The following STBD1 variants were observed in gnomAD, a reference collection of about 807,000 sequenced individuals.
STBD1 encodes starch-binding domain-containing protein 1.
In STBD1, 13 loss-of-function variants were observed where a neutral mutation model predicts 10.5. That is an observed-to-expected ratio of 1.24 (90% CI 0.81 to 1.97). STBD1 has a LOEUF of 1.97. Ranked by LOEUF, STBD1 falls within the 30% of genes most tolerant of loss-of-function variation. The pLI, the probability that STBD1 is intolerant of heterozygous loss-of-function variation, is 0.00. For synonymous variants in STBD1, 146 were observed against 160.2 expected (o/e 0.91, Z 0.67); for missense variants, 427 against 435.6 (o/e 0.98, Z 0.17).
In STBD1 at chr4:76,306,999, C is replaced by A; in HGVS notation, c.220+10C>A. 6.4e-7 allele frequency: 1 copy of A among 1,572,478 alleles called. No individual in the cohort carries two copies. The highest frequency in any genetic ancestry group is 8.6e-7 in the Non-Finnish European group (1 of 1,159,586). ...CTGGTCACCAAACCAGGTATTCTTC[C>A]CCCCGTGACTCCAGGGCACATCTGC... On this transcript the variant is annotated intron_variant, in intron 1 of 1. Coordinates refer to ENST00000237642, the MANE Select transcript of STBD1 (RefSeq NM_003943.5).
In STBD1 at chr4:76,309,523, C is replaced by T. The variant is rs780999837; in HGVS notation, c.600C>T (p.His200=). The part of the protein sequence containing the change: ...SDLNSQDRVD[H]EEWEMVPRHS... ...TGAACAGTCAGGACCGGGTTGACCA[C>T]GAGGAGTGGGAAATGGTGCCTAGGC... The change falls in exon 2 of 2, where the codon CAC becomes CAT. Residue 200 remains histidine (H), a synonymous_variant. Coordinates refer to ENST00000237642, the MANE Select transcript of STBD1 (RefSeq NM_003943.5). 1.3e-5 allele frequency: 21 copies of T among 1,614,172 alleles called. No individual in the cohort carries two copies. In the South Asian group the frequency reaches 1.6e-4, roughly 13 times the overall value.
Position 76,306,877 on chromosome 4 carries a change from G to T in STBD1, c.108G>T (p.Ala36=). The T allele has an allele frequency of 6.2e-7, 1 of 1,611,522 alleles. No individual in the cohort carries two copies. Among genetic ancestry groups the T allele is most frequent in the Non-Finnish European group, 8.5e-7 (1 of 1,179,074 alleles). The change falls in exon 1 of 2, where the codon GCG becomes GCT. Residue 36 remains alanine (A), a synonymous_variant. Transcript: ENST00000237642. ...GPGDTGKDGD[A]EQEKDAPLGG... ...GCGACACCGGGAAGGACGGGGATGCGGAGCAGGAGAAAGACGCCCCTCTTG... is the reference window on the plus strand; with the variant it reads ...GCGACACCGGGAAGGACGGGGATGCTGAGCAGGAGAAAGACGCCCCTCTTG...
In STBD1 at chr4:76,310,185, T is replaced by C; in HGVS notation, c.*185T>C. On this transcript the variant is annotated 3_prime_UTR_variant, in exon 2 of 2. Transcript: ENST00000237642. ...TCTAATGTGCAGAAATATATATGTGTGTATGTGTGTATATATATGCACACA... is the reference window on the plus strand; with the variant it reads ...TCTAATGTGCAGAAATATATATGTGCGTATGTGTGTATATATATGCACACA... 1.5e-6 allele frequency: 1 copy of C among 670,430 alleles called. No homozygotes were observed. Among genetic ancestry groups the C allele is most frequent in the Admixed American group, 2.9e-5 (1 of 33,932 alleles). The allele number at this position is 670,430 out of a possible 1,614,324, so 41.5% of individuals were successfully genotyped here. A position where few individuals can be genotyped will look rare whatever the true frequency, so the allele number is the denominator to read the frequency against.
Position 76,309,391 on chromosome 4 carries a change from A to C in STBD1, c.468A>C (p.Gln156His), listed in dbSNP as rs141201583. Residue 156 changes from glutamine to histidine, a missense_variant, in exon 2 of 2, where the codon CAA becomes CAC. Gln to His is a conservative substitution (Grantham distance 24). Transcript: ENST00000237642. ...LESPMGEWGF[Q>H]KGQEISAKAA... ...CTCCTATGGGAGAATGGGGATTCCA[A>C]AAAGGACAAGAGATATCTGCTAAAG... 4 of 1,613,626 alleles carry C rather than the reference A, an allele frequency of 2.5e-6. No homozygotes were observed. The highest frequency in any genetic ancestry group is 3.4e-6 in the Non-Finnish European group (4 of 1,179,854).
rs747467515 is a variant in STBD1, at chr4:76,311,074, ATTAAC to A, written c.*1079_*1083del. The A allele has an allele frequency of 9.2e-5, 14 of 152,252 alleles. No homozygotes were observed. Among genetic ancestry groups the A allele is most frequent in the Non-Finnish European group, 1.6e-4 (11 of 68,044 alleles). The allele number at this position is 152,252 out of a possible 1,614,324, so 9.4% of individuals were successfully genotyped here. A position where few individuals can be genotyped will look rare whatever the true frequency, so the allele number is the denominator to read the frequency against. On this transcript the variant is annotated 3_prime_UTR_variant, in exon 2 of 2. Coordinates refer to ENST00000237642, the MANE Select transcript of STBD1 (RefSeq NM_003943.5). ...TCTTTGCTCTGAGAATACAGCAAAT[ATTAAC>A]TTAAATTATTATAACTGAACAAATA...
At position 76,306,809 on chromosome 4, in the gene STBD1, C is replaced by CT. The variant is rs1377527164; in HGVS notation, c.41dup (p.Ala15GlyfsTer72). ...GTCCGCCCTGCTGGTTGGAGGGGGT[C>CT]TGGCCGGAGCACTTTTCGTTTGGCT... On this transcript the variant is annotated frameshift_variant, in exon 1 of 2. Transcript: ENST00000237642. LOFTEE classifies it high-confidence loss of function. The CT allele has an allele frequency of 1.2e-6, 2 of 1,612,482 alleles. No homozygotes were observed. Among genetic ancestry groups the CT allele is most frequent in the Non-Finnish European group, 8.5e-7 (1 of 1,179,612 alleles).
chr4:76,308,328 C>G (rs1170982220), intron 1 of STBD1, among the ~76,000 whole-genome samples: 2 of 151,400 alleles, frequency 1.3e-5, no homozygotes, highest in Non-Finnish European at 2.9e-5. Flanking sequence ...CCCATACCAC[C>G]ACCACCCCCA....
chr4:76,310,338 G>A lies in STBD1; in HGVS notation c.*338G>A, dbSNP rs146780391. On this transcript the variant is annotated 3_prime_UTR_variant, in exon 2 of 2. Transcript: ENST00000237642. ...GGAGTGACTTGGCTAAGCTTCAGGT[G>A]TAAACTGTGGTCACGGAGCAAAAAC... 586 of 230,136 alleles carry A rather than the reference G, an allele frequency of 2.5e-3. No individual in the cohort carries two copies. Among genetic ancestry groups the A allele is most frequent in the African/African-American group, 0.012 (539 of 44,404 alleles). 14.3% of individuals were successfully genotyped at this position (230,136 alleles called of 1,614,324 possible). A position where few individuals can be genotyped will look rare whatever the true frequency, so the allele number is the denominator to read the frequency against.
chr4:76,307,680 C>T (rs111287680), intron 1 of STBD1, among the ~76,000 whole-genome samples: 1 of 152,110 alleles, frequency 6.6e-6, no homozygotes, highest in African/African-American at 2.4e-5. Context: ...GGGGACCCAA[C>T]CCTGATGAGT....
rs115736232 is a variant in STBD1, at chr4:76,309,688, A to G, written c.765A>G (p.Ala255=). ...TGCATGGGAAAATGGAAAGGGTAGCAGTGATGCCTGCAGGGTCTCAGCAAG... is the reference window on the plus strand; with the variant it reads ...TGCATGGGAAAATGGAAAGGGTAGCGGTGATGCCTGCAGGGTCTCAGCAAG... ...QQVHGKMERV[A]VMPAGSQQVS... is the part of the protein sequence containing the mutation. Residue 255 remains alanine (A), a synonymous_variant, in exon 2 of 2, where the codon GCA becomes GCG. Coordinates refer to ENST00000237642, the MANE Select transcript of STBD1 (RefSeq NM_003943.5). The G allele has an allele frequency of 1.9e-6, 3 of 1,614,244 alleles. No individual in the cohort carries two copies. In the East Asian group the frequency reaches 6.7e-5, roughly 36 times the overall value.
intron 1 of STBD1, among the ~76,000 whole-genome samples, chr4:76,308,168 C>T (rs1036865529): frequency 6.7e-6 from 1 of 149,290 alleles, no homozygotes; most frequent in African/African-American, 2.5e-5. Context: ...ACTTGGGAGG[C>T]TAAAGCAGGA....
chr4:76,307,562 G>A (rs2110042687), intron 1 of STBD1, among the ~76,000 whole-genome samples: 1 of 152,300 alleles, frequency 6.6e-6, no homozygotes, highest in Non-Finnish European at 1.5e-5. Context: ...TGTGGCTGAG[G>A]CCCTGGGGAT....
In STBD1 at chr4:76,309,268, T is replaced by C; in HGVS notation, c.345T>C (p.Val115=). The change falls in exon 2 of 2, where the codon GTT becomes GTC. Residue 115 remains valine, a synonymous_variant. Coordinates refer to ENST00000237642, the MANE Select transcript of STBD1 (RefSeq NM_003943.5). Reference sequence around the variant, plus strand: ...TCTGTGACAATTCAAGAGAACATGTTCCTTCTGGACAGTTTCCAGACACAG... The same window carrying C: ...TCTGTGACAATTCAAGAGAACATGTCCCTTCTGGACAGTTTCCAGACACAG... The part of the protein sequence containing the change: ...REVCDNSREH[V]PSGQFPDTEA... 6.2e-7 allele frequency: 1 copy of C among 1,614,188 alleles called. No homozygotes were observed. Among genetic ancestry groups the C allele is most frequent in the Non-Finnish European group, 8.5e-7 (1 of 1,180,028 alleles).
rs1302853975 is a variant in STBD1, at chr4:76,310,207, C to A, written c.*207C>A. ...GTGTGTATGTGTGTATATATATGCA[C>A]ACACACACAGATAATGCTTCCAGTG... On this transcript the variant is annotated 3_prime_UTR_variant, in exon 2 of 2. Transcript: ENST00000237642. The A allele has an allele frequency of 1.7e-5, 10 of 591,118 alleles. No individual in the cohort carries two copies. The highest frequency in any genetic ancestry group is 1.5e-5 in the Non-Finnish European group (5 of 342,692). The allele number at this position is 591,118 out of a possible 1,614,324, so 36.6% of individuals were successfully genotyped here. A position where few individuals can be genotyped will look rare whatever the true frequency, so the allele number is the denominator to read the frequency against.
intron 1 of STBD1, among the ~76,000 whole-genome samples, chr4:76,308,852 A>G (rs896546632): frequency 2.6e-5 from 4 of 152,216 alleles, no homozygotes; most frequent in African/African-American, 9.6e-5. Context: ...ACTGGGGACC[A>G]TGGGGGGGTT....
At position 76,310,458 on chromosome 4, in the gene STBD1, A is replaced by G. The variant is rs17001772; in HGVS notation, c.*458A>G. On this transcript the variant is annotated 3_prime_UTR_variant, in exon 2 of 2. Coordinates refer to ENST00000237642, the MANE Select transcript of STBD1 (RefSeq NM_003943.5). ...CTCACTCAAACATAGCTGACTTCCT[A>G]TTGGTACAGCTTGAAAAGCACTTTT... 4,057 of 160,840 alleles carry G rather than the reference A, an allele frequency of 0.025. 178 individuals carry two copies. The highest frequency in any genetic ancestry group is 0.092 in the African/African-American group (3,833 of 41,680). The allele number at this position is 160,840 out of a possible 1,614,324, so 10.0% of individuals were successfully genotyped here.
rs576092074 is a variant in STBD1 at position 76,310,592 on chromosome 4, T to C, written c.*592T>C. 2 of 153,450 alleles carry C rather than the reference T, an allele frequency of 1.3e-5. No individual in the cohort carries two copies. The highest frequency in any genetic ancestry group is 1.9e-4 in the East Asian group (1 of 5,192). The allele number at this position is 153,450 out of a possible 1,614,324, so 9.5% of individuals were successfully genotyped here. ...AGGATACAAGATAATGTTCTAAGAC[T>C]GCCTAATGCTTTTTGTTTGATTTTC... On this transcript the variant is annotated 3_prime_UTR_variant, in exon 2 of 2. Transcript: ENST00000237642.
At position 76,309,431 on chromosome 4, in the gene STBD1, G is replaced by C. The variant is rs1430676989; in HGVS notation, c.508G>C (p.Ala170Pro). ...EISAKAATCF[A>P]EKLPSSNLLK... ...ATCTGCTAAAGCAGCTACATGTTTTGCAGAGAAGTTGCCTTCTAGCAACCT... is the reference window on the plus strand; with the variant it reads ...ATCTGCTAAAGCAGCTACATGTTTTCCAGAGAAGTTGCCTTCTAGCAACCT... The change falls in exon 2 of 2, where the codon GCA becomes CCA. Residue 170 changes from alanine (A) to proline (P), a missense_variant. By Grantham distance (27) the Ala-to-Pro change is conservative (BLOSUM62 -1). Transcript: ENST00000237642. 1 of 1,614,224 alleles carries C rather than the reference G, an allele frequency of 6.2e-7. No individual in the cohort carries two copies.
At chr4:76,308,046 A>G (rs1289767062) in intron 1 of STBD1, among the ~76,000 whole-genome samples, 3 of 152,140 alleles carry the variant, frequency 2.0e-5, no homozygotes, top group Non-Finnish European at 2.9e-5. Context: ...CGAGGCGGGC[A>G]AATCACAAGG....
Sources: allele counts gnomAD v4.1 joint callset (sites outside exome capture counted in the v4.1 genomes callset), GRCh38; gene constraint gnomAD v4.1.1; transcripts MANE v1.5; gene names NCBI Gene and HGNC (gene_info 2026-07-23, HGNC 2026-07-21).